Variants in ACTL8 observed in about 807,000 individuals in gnomAD.
ACTL8 encodes the protein actin like 8, also known as actin-like protein 8.
A neutral mutation model predicts 9.3 loss-of-function variants in ACTL8; 3 were observed. The observed-to-expected ratio is 0.32, with a 90% CI of 0.15 to 0.83. ACTL8 has a LOEUF of 0.83. ACTL8 is among the 40% of genes least tolerant of loss of function. ACTL8 has a pLI of 0.57. For synonymous variants in ACTL8, 224 were observed against 205.9 expected, an observed-to-expected ratio of 1.09 and a Z score of -0.75; for missense variants, 381 against 492.2, an observed-to-expected ratio of 0.77 and a Z score of 2.14.
chr1:17,823,661 G>A lies in ACTL8; in HGVS notation c.348+305G>A, dbSNP rs1036335550. Among the ~76,000 whole-genome samples, 3 of 152,118 alleles carry A rather than the reference G, an allele frequency of 2.0e-5. No homozygotes were observed. The highest frequency in any genetic ancestry group is 4.4e-5 in the Non-Finnish European group (3 of 68,030). ...GAGGATCAGTTGAGCCCGGGAGGTC[G>A]AGAATAGAGTGAGCTGAGATCACGA... On this transcript the variant is annotated intron_variant, in intron 2 of 2. Transcript: ENST00000375406. This position sits in a 1 kb window ranked among gnomAD's most constrained non-coding sequence, Gnocchi z 5.3.
chr1:17,763,085 C>T (rs989906386), intron 1 of ACTL8, among the ~76,000 whole-genome samples: 13 of 152,218 alleles, frequency 8.5e-5, no homozygotes, highest in Admixed American at 5.9e-4. Flanking sequence ...GCCTAGGTCT[C>T]TGGGAATTTT....
intron 1 of ACTL8, among the ~76,000 whole-genome samples, chr1:17,817,222 CTG>C (rs2066432132): frequency 6.7e-6 from 1 of 148,860 alleles, no homozygotes; most frequent in East Asian, 2.0e-4. Context: ...GGATCAGAAA[CTG>C]TGCGTGGTGT....
intron 1 of ACTL8, among the ~76,000 whole-genome samples, chr1:17,790,286 CTCT>C (rs933149498): frequency 7.2e-5 from 11 of 152,256 alleles, no homozygotes; most frequent in Non-Finnish European, 1.2e-4. Flanking sequence ...CACAGCTCTT[CTCT>C]TCTTCTCTTC....
chr1:17,784,748 G>A (rs2066183529), intron 1 of ACTL8, among the ~76,000 whole-genome samples: 1 of 152,206 alleles, frequency 6.6e-6, no homozygotes, highest in Non-Finnish European at 1.5e-5. Flanking sequence ...TGAGGCTCAA[G>A]AGATAGCATG....
At chr1:17,812,499 A>G (rs1179915453) in intron 1 of ACTL8, among the ~76,000 whole-genome samples, 3 of 139,126 alleles carry the variant, frequency 2.2e-5, no homozygotes, top group African/African-American at 8.1e-5. Flanking sequence ...GCGCAATCTC[A>G]GCTCACTGCA....
intron 1 of ACTL8, among the ~76,000 whole-genome samples, chr1:17,793,860 G>C (rs184435302): frequency 6.6e-6 from 1 of 152,278 alleles, no homozygotes; most frequent in Admixed American, 6.5e-5. Context: ...TGTGTGGGGA[G>C]AATTGGTATT....
intron 2 of ACTL8, among the ~76,000 whole-genome samples, chr1:17,824,770 C>T (rs1355512703): frequency 6.6e-6 from 1 of 152,168 alleles, no homozygotes; most frequent in Non-Finnish European, 1.5e-5. Context: ...GCTTGCCAGC[C>T]ACTGCTCTAA....
Position 17,785,415 on chromosome 1 carries a change from G to GATTCT in ACTL8, c.-25+29912_-25+29916dup, listed in dbSNP as rs1158966320. On this transcript the variant is annotated intron_variant, in intron 1 of 2. Transcript: ENST00000375406. ...AGGTTCCATTCTGCAACATGTCTCT[G>GATTCT]ATTCTTGATAGGAACATTTGGACTA... is the stretch of plus-strand genomic sequence containing the variant. 2.2e-4 allele frequency among the ~76,000 whole-genome samples: 34 copies of GATTCT among 152,340 alleles called. No homozygotes were observed. In the South Asian group the frequency reaches 7.0e-3, roughly 32 times the overall value.
chr1:17,806,808 T>G (rs960365686), intron 1 of ACTL8, among the ~76,000 whole-genome samples: 1 of 152,248 alleles, frequency 6.6e-6, no homozygotes, highest in Non-Finnish European at 1.5e-5. Context: ...CTTTTGCATC[T>G]GCATGAATCT....
intron 1 of ACTL8, among the ~76,000 whole-genome samples, chr1:17,785,914 A>G (rs1489864408): frequency 6.6e-6 from 1 of 152,096 alleles, no homozygotes; most frequent in Non-Finnish European, 1.5e-5. Flanking sequence ...CAAGGTGGTG[A>G]CTGGGCTGTG....
chr1:17,822,451 A>G (rs2053671062), intron 1 of ACTL8, among the ~76,000 whole-genome samples: 1 of 152,204 alleles, frequency 6.6e-6, no homozygotes, highest in Non-Finnish European at 1.5e-5. Flanking sequence ...GAGAAAGAGT[A>G]GGTTCTCCAG....
Position 17,783,689 on chromosome 1 carries a change from C to T in ACTL8, c.-25+28185C>T, listed in dbSNP as rs147163019. Among the ~76,000 whole-genome samples, 167 of 152,344 alleles carry T rather than the reference C, an allele frequency of 1.1e-3. 1 individual carries two copies. The highest frequency in any genetic ancestry group is 3.7e-3 in the African/African-American group (152 of 41,582). ...GGTCGTCGGGCTGGAGATGTCACCT[C>T]CAGGCCTCTTCTGCAGACAAGCTGC... On this transcript the variant is annotated intron_variant, in intron 1 of 2. Transcript: ENST00000375406.
At chr1:17,759,301 CCTT>C (rs2065987161) in intron 1 of ACTL8, among the ~76,000 whole-genome samples, 3 of 152,254 alleles carry the variant, frequency 2.0e-5, no homozygotes, top group Admixed American at 2.0e-4. Context: ...GCAGCAGGGA[CCTT>C]CTGCTTCCTG....
chr1:17,822,548 G>A (rs1201180291), intron 1 of ACTL8, among the ~76,000 whole-genome samples: 1 of 152,148 alleles, frequency 6.6e-6, no homozygotes, highest in African/African-American at 2.4e-5. Flanking sequence ...TACTGAAGGT[G>A]GTGGCTCTGA....
At chr1:17,788,609 G>A (rs376997967) in intron 1 of ACTL8, among the ~76,000 whole-genome samples, 4 of 152,362 alleles carry the variant, frequency 2.6e-5, no homozygotes, top group African/African-American at 9.6e-5. Flanking sequence ...TGCAGAGGAG[G>A]AGGGTGGTAT....
intron 1 of ACTL8, among the ~76,000 whole-genome samples, chr1:17,814,516 A>G (rs1484116287): frequency 2.6e-5 from 4 of 152,192 alleles, no homozygotes; most frequent in Non-Finnish European, 5.9e-5. Context: ...CGTTTGTAGC[A>G]TAGCAAGACT....
intron 1 of ACTL8, among the ~76,000 whole-genome samples, chr1:17,814,134 A>T (rs2066409619): frequency 6.6e-6 from 1 of 152,220 alleles, no homozygotes; most frequent in Non-Finnish European, 1.5e-5. Context: ...CACAGATGGC[A>T]TATATGATGG....
At chr1:17,774,701 C>G (rs1406073390) in intron 1 of ACTL8, among the ~76,000 whole-genome samples, 1 of 152,012 alleles carries the variant, frequency 6.6e-6, no homozygotes, top group Non-Finnish European at 1.5e-5. Context: ...CGCAAGGGGG[C>G]CTTGTGGACA....
chr1:17,803,447 C>T (rs917563062), intron 1 of ACTL8, among the ~76,000 whole-genome samples: 3 of 152,238 alleles, frequency 2.0e-5, no homozygotes, highest in African/African-American at 7.2e-5. Flanking sequence ...TCTCCTGCCT[C>T]AGTTTTCTCA....
Sources: gnomAD v4.1 joint callset for allele counts (sites outside exome capture counted in the v4.1 genomes callset) on GRCh38, gnomAD v4.1.1 for gene constraint, Gnocchi (gnomAD v3.1) non-coding constraint, MANE v1.5 for transcripts, NCBI Gene and HGNC (gene_info 2026-07-23, HGNC 2026-07-21) for gene names.